The following HEATR5A variants were observed in gnomAD, a reference collection of about 807,000 sequenced individuals.
HEATR5A encodes HEAT repeat-containing protein 5A.
A neutral mutation model predicts 218.8 loss-of-function variants in HEATR5A; 178 were observed. That is an observed-to-expected ratio of 0.81 (90% CI 0.72 to 0.92). The LOEUF is 0.92. Among genes scored for constraint, HEATR5A ranks in the 40% least tolerant of loss-of-function variants. HEATR5A has a pLI of 0.00. For missense variants in HEATR5A, 2,420 were observed against 2,418.9 expected, an observed-to-expected ratio of 1.00 and a Z score of -0.01; for synonymous variants, 864 against 871.6, an observed-to-expected ratio of 0.99 and a Z score of 0.15.
At chr14:31,397,956 T>C (rs184209188) in intron 4 of HEATR5A, among the ~76,000 whole-genome samples, 87 of 152,324 alleles carry the variant, frequency 5.7e-4, no homozygotes, top group African/African-American at 2.0e-3. Flanking sequence ...TCCATGTTTT[T>C]ATATTTAAAG....
intron 22 of HEATR5A, among the ~76,000 whole-genome samples, chr14:31,331,641 G>C (rs561384316): frequency 5.9e-5 from 9 of 152,324 alleles, no homozygotes; most frequent in African/African-American, 2.2e-4. Flanking sequence ...TTTTCACACT[G>C]CTATAAAGAG....
At chr14:31,383,015 T>C (rs1027515127) in intron 10 of HEATR5A, among the ~76,000 whole-genome samples, 1 of 151,938 alleles carries the variant, frequency 6.6e-6, no homozygotes, top group Non-Finnish European at 1.5e-5. Context: ...TTGGAAACAG[T>C]ATTTAGAGCT....
intron 6 of HEATR5A, among the ~76,000 whole-genome samples, chr14:31,393,378 G>C (rs920850677): frequency 3.3e-5 from 5 of 152,082 alleles, no homozygotes; most frequent in Non-Finnish European, 7.4e-5. Context: ...GGGGATGGCA[G>C]TGAAAGCCTG....
intron 25 of HEATR5A, 145 bp from the exon 26 acceptor site, chr14:31,318,437 G>A (rs1899979437): frequency 8.0e-6 from 5 of 628,410 alleles, no homozygotes; most frequent in Non-Finnish European, 1.4e-5. Flanking sequence ...ATCTTCCCCT[G>A]TTTTTAGATA....
chr14:31,342,854 G>A (rs186223825), intron 21 of HEATR5A, among the ~76,000 whole-genome samples: 16 of 152,268 alleles, frequency 1.1e-4, no homozygotes, highest in African/African-American at 3.4e-4. Flanking sequence ...TAATCTACAC[G>A]ACAGATTTTT....
chr14:31,326,878 G>C (rs956793240), intron 22 of HEATR5A, among the ~76,000 whole-genome samples: 1 of 151,634 alleles, frequency 6.6e-6, no homozygotes, highest in Admixed American at 6.6e-5. Flanking sequence ...TTCCTGACCT[G>C]AGGCGATCCA....
At chr14:31,365,424 G>A (rs368394375) in intron 13 of HEATR5A, among the ~76,000 whole-genome samples, 6 of 151,910 alleles carry the variant, frequency 3.9e-5, no homozygotes, top group Non-Finnish European at 2.9e-5. Context: ...GCAGTGACGC[G>A]ATCTTGGCTC....
At chr14:31,338,066 A>C (rs1205184742) in intron 21 of HEATR5A, among the ~76,000 whole-genome samples, 2 of 152,188 alleles carry the variant, frequency 1.3e-5, no homozygotes, top group Admixed American at 1.3e-4. Context: ...TCCGGAGTCA[A>C]AATGTCTCAG....
chr14:31,306,810 A>G lies in HEATR5A; in HGVS notation c.4888T>C (p.Leu1630=), dbSNP rs751132937. 14 of 1,613,606 alleles carry G rather than the reference A, an allele frequency of 8.7e-6. No individual in the cohort carries two copies. Among genetic ancestry groups the G allele is most frequent in the Admixed American group, 1.7e-5 (1 of 59,984 alleles). The change falls in exon 31 of 36, where the codon TTG becomes CTG. Residue 1630 remains leucine (L), a synonymous_variant. Coordinates refer to ENST00000543095, the MANE Select transcript of HEATR5A (RefSeq NM_015473.4). Reference sequence around the variant, plus strand: ...TGCCTTACCACTTCAAGTGAAGCCAACTGAATGGAAGGTGATTCTCTGGTT... The same window carrying G: ...TGCCTTACCACTTCAAGTGAAGCCAGCTGAATGGAAGGTGATTCTCTGGTT... ...ILTRESPSIQ[L]ASLEVVRQII... is the part of the protein sequence containing the mutation.
chr14:31,351,508 GAA>G (rs71430949), intron 16 of HEATR5A, among the ~76,000 whole-genome samples: 16,393 of 129,282 alleles, frequency 0.13, 1,269 homozygotes, highest in East Asian at 0.43. Context: ...AAGAAAGAAA[GAA>G]AAAAAAAAAA....
intron 6 of HEATR5A, among the ~76,000 whole-genome samples, chr14:31,390,247 T>C (rs1423107635): frequency 6.6e-6 from 1 of 152,086 alleles, no homozygotes; most frequent in Non-Finnish European, 1.5e-5. Flanking sequence ...ATATAGGACC[T>C]TGTAGGTCAT....
rs779548663 is a variant in HEATR5A, at chr14:31,359,057, C to T, written c.2072G>A (p.Gly691Glu). 3 of 1,592,828 alleles carry T rather than the reference C, an allele frequency of 1.9e-6. No homozygotes were observed. The highest frequency in any genetic ancestry group is 2.6e-6 in the Non-Finnish European group (3 of 1,175,292). ...CTCTCTGAGGATAGCACAGAGGTTT[C>T]CTGTTGAGTCACAGAAAAAGAGCAA... ...LILLPPETYEGNLCAILRELA... is the reference protein window; with the variant it reads ...LILLPPETYEENLCAILRELA... Residue 691 changes from glycine (G) to glutamate (E), a missense_variant and splice_region_variant, in exon 15 of 36, where the codon GGA (glycine) becomes GAA (glutamate). By Grantham distance (98) the Gly-to-Glu change is moderately conservative. Coordinates refer to ENST00000543095, the MANE Select transcript of HEATR5A (RefSeq NM_015473.4).
At chr14:31,369,608 CAA>C (rs71430951) in intron 13 of HEATR5A, among the ~76,000 whole-genome samples, 1,395 of 45,120 alleles carry the variant, frequency 0.031, 17 homozygotes, top group African/African-American at 0.098. Flanking sequence ...AAAACTGTCT[CAA>C]AAAAAAAAAA....
At position 31,394,173 on chromosome 14, in the gene HEATR5A, G is replaced by A. The variant is rs1286325259; in HGVS notation, c.651C>T (p.Asp217=). Residue 217 remains aspartate, a synonymous_variant, in exon 6 of 36, where the codon GAC becomes GAT. Coordinates refer to ENST00000543095, the MANE Select transcript of HEATR5A (RefSeq NM_015473.4). ...EAIFMWSTDL[D]SVATLCFKSF... ...ACTTAAAACACAGTGTGGCCACACT[G>A]TCCAGGTCCGTACTCCACATAAAGA... The A allele has an allele frequency of 1.3e-6, 2 of 1,533,362 alleles. No individual in the cohort carries two copies. The highest frequency in any genetic ancestry group is 2.0e-5 in the Admixed American group (1 of 50,622). The allele number at this position is 1,533,362 out of a possible 1,614,324, so 95.0% of individuals were successfully genotyped here. A position where few individuals can be genotyped will look rare whatever the true frequency, so the allele number is the denominator to read the frequency against.
chr14:31,364,434 T>G, intron 13 of HEATR5A, 136 bp from the exon 14 acceptor site: 1 of 550,982 alleles, frequency 1.8e-6, no homozygotes, highest in South Asian at 2.6e-5. Flanking sequence ...TACTTTTATT[T>G]TTTGAGACAG....
intron 11 of HEATR5A, among the ~76,000 whole-genome samples, chr14:31,376,117 G>A (rs940068788): frequency 6.6e-6 from 1 of 152,196 alleles, no homozygotes; most frequent in Admixed American, 6.5e-5. Context: ...ACCTGGATGA[G>A]TTATTTAACC....
At chr14:31,327,286 CTTTT>C (rs71951930) in intron 22 of HEATR5A, among the ~76,000 whole-genome samples, 1 of 45,158 alleles carries the variant, frequency 2.2e-5, no homozygotes. Flanking sequence ...TCCAGTGGCA[CTTTT>C]TTTTTTTTTT....
rs386381028 is a variant in HEATR5A at position 31,405,059 on chromosome 14, CAA to C, written c.-74-2012_-74-2011del. On this transcript the variant is annotated intron_variant, in intron 1 of 35. Transcript: ENST00000543095. Reference sequence around the variant, plus strand: ...GGTAACAGTGGGACACTGTCTCCACCAAAAAAAAAAAAAAAAAAAGACGAAAG... The same window carrying C: ...GGTAACAGTGGGACACTGTCTCCACCAAAAAAAAAAAAAAAAAGACGAAAG... Among the ~76,000 whole-genome samples, 155 of 97,888 alleles carry C rather than the reference CAA, an allele frequency of 1.6e-3. 1 individual carries two copies. Among genetic ancestry groups the C allele is most frequent in the Non-Finnish European group, 2.5e-3 (134 of 53,974 alleles). 64.2% of individuals were successfully genotyped at this position (97,888 alleles called of 152,430 possible). A position where few individuals can be genotyped will look rare whatever the true frequency, so the allele number is the denominator to read the frequency against.
At chr14:31,383,484 G>C in intron 10 of HEATR5A, 37 bp downstream of exon 10, 3 of 1,556,372 alleles carry the variant, frequency 1.9e-6, no homozygotes, top group Non-Finnish European at 2.6e-6. Flanking sequence ...CTAACAAAAA[G>C]CACCTCATTA....
Sources: gnomAD v4.1 joint callset for allele counts (sites outside exome capture counted in the v4.1 genomes callset) on GRCh38, gnomAD v4.1.1 for gene constraint, MANE v1.5 for transcripts, NCBI Gene and HGNC (gene_info 2026-07-23, HGNC 2026-07-21) for gene names.